The following NEBL variants were observed in gnomAD, a reference collection of about 807,000 sequenced individuals.
The protein encoded by NEBL is nebulette.
Under a neutral mutation model 140.2 loss-of-function variants are expected in NEBL, and 122 were observed. The observed-to-expected ratio is 0.87, with a 90% CI of 0.75 to 1.01. The LOEUF is 1.01. Among genes scored for constraint, NEBL ranks in the 50% least tolerant of loss-of-function variants. The pLI, the probability that NEBL is intolerant of heterozygous loss-of-function variation, is 0.00. For synonymous variants in NEBL, 436 were observed against 398.9 expected, an observed-to-expected ratio of 1.09 and a Z score of -1.11; for missense variants, 1,365 against 1,231.3, an observed-to-expected ratio of 1.11 and a Z score of -1.62.
chr10:21,083,311 T>A (rs1836472419), intron 2 of NEBL, among the ~76,000 whole-genome samples: 1 of 152,186 alleles, frequency 6.6e-6, no homozygotes, highest in Non-Finnish European at 1.5e-5. Flanking sequence ...TGAAACTGTG[T>A]AGTTGTTGTA....
At chr10:20,870,903 G>C (rs1022875486) in intron 5 of NEBL, among the ~76,000 whole-genome samples, 2 of 152,228 alleles carry the variant, frequency 1.3e-5, no homozygotes, top group African/African-American at 4.8e-5. Context: ...ATTGGAAAGA[G>C]AGACAAAAAT....
At chr10:20,938,253 C>A (rs148687859) in intron 4 of NEBL, among the ~76,000 whole-genome samples, 14 of 152,296 alleles carry the variant, frequency 9.2e-5, no homozygotes, top group Non-Finnish European at 2.9e-5. Flanking sequence ...TGCAGAGGAA[C>A]GATCAAGCAG....
chr10:21,158,918 T>C (rs1444834523), intron 2 of NEBL, among the ~76,000 whole-genome samples: 1 of 152,220 alleles, frequency 6.6e-6, no homozygotes, highest in African/African-American at 2.4e-5. Context: ...TTCCACTTTT[T>C]TCTTAGAATA....
intron 4 of NEBL, among the ~76,000 whole-genome samples, chr10:20,937,357 T>C (rs1387352954): frequency 1.3e-5 from 2 of 152,154 alleles, no homozygotes; most frequent in Non-Finnish European, 2.9e-5. Flanking sequence ...AAGCATCAGA[T>C]ATTATCATTC....
At chr10:20,922,118 C>T (rs1176795629) in intron 4 of NEBL, among the ~76,000 whole-genome samples, 1 of 152,150 alleles carries the variant, frequency 6.6e-6, no homozygotes, top group African/African-American at 2.4e-5. Context: ...AAACCACAAA[C>T]ACAAAGAAGC....
intron 15 of NEBL, 47 bp downstream of exon 15, chr10:20,831,426 T>A: frequency 6.5e-7 from 1 of 1,537,324 alleles, no homozygotes; most frequent in Non-Finnish European, 9.0e-7. Context: ...TTTCCAGCTA[T>A]GATTCACGGC....
intron 4 of NEBL, among the ~76,000 whole-genome samples, chr10:20,925,115 G>A (rs981605725): frequency 6.6e-6 from 1 of 151,930 alleles, no homozygotes; most frequent in Non-Finnish European, 1.5e-5. Context: ...GATCCCCCAG[G>A]CTCCTTTTGT....
intron 3 of NEBL, among the ~76,000 whole-genome samples, chr10:20,971,174 G>C (rs960302123): frequency 5.3e-5 from 8 of 152,090 alleles, no homozygotes; most frequent in Non-Finnish European, 7.4e-5. Flanking sequence ...CAGATTAGCA[G>C]GGAAATACCA....
intron 3 of NEBL, among the ~76,000 whole-genome samples, chr10:20,963,003 A>AACACACACACACACACAC (rs35031266): frequency 7.0e-6 from 1 of 143,210 alleles, no homozygotes; most frequent in Admixed American, 7.0e-5. Context: ...TTGAAAGAAA[A>AACACACACACACACACAC]ACACACACAC....
Position 21,182,378 on chromosome 10 carries a change from C to T in NEBL, n.349-9901G>A, listed in dbSNP as rs547893725. ...GTAGTCCCAGCTACTCAGGAGGCTA[C>T]GGAAGGAGGATCGTTTGAATCCAGG... On this transcript the variant is annotated intron_variant and non_coding_transcript_variant, in intron 3 of 8. Coordinates refer to the NEBL transcript ENST00000675702. Among the ~76,000 whole-genome samples the T allele has an allele frequency of 7.6e-4, 116 of 152,002 alleles. 1 individual carries two copies. The highest frequency in any genetic ancestry group is 2.5e-3 in the African/African-American group (102 of 41,472).
At chr10:21,035,009 C>T (rs1175287733) in intron 2 of NEBL, among the ~76,000 whole-genome samples, 1 of 151,244 alleles carries the variant, frequency 6.6e-6, no homozygotes, top group Non-Finnish European at 1.5e-5. Context: ...AGTCTCACTC[C>T]ATTGCCCAGG....
At position 21,081,612 on chromosome 10, in the gene NEBL, C is replaced by T. The variant is rs555656778; in HGVS notation, c.165-61411G>A. Among the ~76,000 whole-genome samples, 6 of 152,244 alleles carry T rather than the reference C, an allele frequency of 3.9e-5. 1 individual carries two copies. The East Asian group carries it at 7.7e-4, about 20-fold the overall frequency. On this transcript the variant is annotated intron_variant, in intron 2 of 6. Transcript: ENST00000417816. Reference sequence around the variant, plus strand: ...GCAATGACACTCCAATAGCAACAAGCATACTTAATGTCCCTAGACGGTTGG... The same window carrying T: ...GCAATGACACTCCAATAGCAACAAGTATACTTAATGTCCCTAGACGGTTGG...
At chr10:20,888,247 C>T (rs780075187) in intron 3 of NEBL, 40 bp from the exon 4 acceptor site, 1 of 1,229,896 alleles carries the variant, frequency 8.1e-7, no homozygotes, top group Non-Finnish European at 1.2e-6. Flanking sequence ...AATAAATAAA[C>T]TTCCATTTTT....
chr10:20,799,924 C>CGTGTGT (rs145863273), intron 26 of NEBL, among the ~76,000 whole-genome samples: 45 of 149,502 alleles, frequency 3.0e-4, no homozygotes, highest in South Asian at 1.7e-3. Context: ...CCATCTGGCA[C>CGTGTGT]GTGTGTGTGT....
At chr10:21,034,053 G>A (rs2131812558) in intron 2 of NEBL, among the ~76,000 whole-genome samples, 1 of 151,006 alleles carries the variant, frequency 6.6e-6, no homozygotes, top group South Asian at 2.1e-4. Context: ...TGTAGTCTCA[G>A]CTACTAGGGG....
rs190130357 is a variant in NEBL, at chr10:20,917,518, C to T, written c.357+44154G>A. On this transcript the variant is annotated intron_variant, in intron 4 of 6. Coordinates refer to the NEBL transcript ENST00000417816. ...TATTTCTCAATGTATGCAAAAAGTC[C>T]GAACTATTCACATGCTGGCCACACA... Among the ~76,000 whole-genome samples, 226 of 152,252 alleles carry T rather than the reference C, an allele frequency of 1.5e-3. 5 individuals carry two copies. In the East Asian group the frequency reaches 0.033, roughly 22 times the overall value.
chr10:21,013,781 G>A (rs557915037), intron 3 of NEBL, among the ~76,000 whole-genome samples: 39 of 152,276 alleles, frequency 2.6e-4, no homozygotes, highest in Admixed American at 9.8e-4. Flanking sequence ...GGGAGGCTGA[G>A]GCAGGAGAAT....
intron 3 of NEBL, among the ~76,000 whole-genome samples, chr10:21,220,897 A>G (rs954236504): frequency 5.3e-5 from 8 of 152,184 alleles, no homozygotes; most frequent in African/African-American, 1.9e-4. Flanking sequence ...GGCTCATGCC[A>G]GTAATCCCAG....
At chr10:21,046,912 A>G (rs1342460654) in intron 2 of NEBL, among the ~76,000 whole-genome samples, 1 of 152,084 alleles carries the variant, frequency 6.6e-6, no homozygotes, top group African/African-American at 2.4e-5. Context: ...CCTAACCTCA[A>G]TATTTTTATC....
Sources: gnomAD v4.1 joint callset for allele counts (sites outside exome capture counted in the v4.1 genomes callset) on GRCh38, gnomAD v4.1.1 for gene constraint, MANE v1.5 for transcripts, NCBI Gene and HGNC (gene_info 2026-07-23, HGNC 2026-07-21) for gene names.